MEIG1: variants seen among roughly 807,000 people sequenced by gnomAD.
The protein encoded by MEIG1 is meiosis/spermiogenesis associated 1.
A neutral mutation model predicts 11.3 loss-of-function variants in MEIG1; 12 were observed. The observed-to-expected ratio is 1.07, with a 90% CI of 0.68 to 1.73. MEIG1 has a LOEUF of 1.73. MEIG1 is among the 40% of genes most tolerant of loss of function. The pLI, the probability that MEIG1 is intolerant of heterozygous loss-of-function variation, is 0.00. For missense variants in MEIG1, 119 were observed against 104.9 expected, an observed-to-expected ratio of 1.13 and a Z score of -0.59; for synonymous variants, 41 against 33.2, an observed-to-expected ratio of 1.24 and a Z score of -0.81.
chr10:14,965,675 T>TGAGAGAGAGAGA (rs749211535), intron 1 of MEIG1, among the ~76,000 whole-genome samples: 1,431 of 100,796 alleles, frequency 0.014, 50 homozygotes, highest in African/African-American at 0.044. Flanking sequence ...ATTCCCTTTT[T>TGAGAGAGAGAGA]GAGAGAGAGA....
At chr10:14,958,513 T>TAAAAATTTAATTA (rs1227773593), upstream of MEIG1, among the ~76,000 whole-genome samples, 4 of 152,134 alleles carry the variant, frequency 2.6e-5, no homozygotes, top group African/African-American at 9.7e-5. Context: ...AATTACTGAG[T>TAAAAATTTAATTA]CTCCAGAGCT....
chr10:14,955,560 C>T (rs1188974595), upstream of MEIG1, among the ~76,000 whole-genome samples: 2 of 152,184 alleles, frequency 1.3e-5, no homozygotes, highest in Admixed American at 6.5e-5. Flanking sequence ...AAAAATCGGC[C>T]GGGCATGGTG....
chr10:14,983,953 C>T (rs2131284894), intron 1 of MEIG1, among the ~76,000 whole-genome samples: 1 of 152,076 alleles, frequency 6.6e-6, no homozygotes, highest in East Asian at 1.9e-4. Context: ...CTAATGTCAA[C>T]GTGGGAGAGG....
chr10:14,984,560 C>T (rs559688533), intron 1 of MEIG1, among the ~76,000 whole-genome samples: 1 of 151,950 alleles, frequency 6.6e-6, no homozygotes, highest in African/African-American at 2.4e-5. Context: ...TATTGTCACA[C>T]GGGGAAGTTT....
chr10:14,978,777 C>T (rs1564508935), intron 1 of MEIG1, among the ~76,000 whole-genome samples: 1 of 151,862 alleles, frequency 6.6e-6, no homozygotes, highest in African/African-American at 2.4e-5. Context: ...TTCGTAATAT[C>T]CTAGCGAGAT....
At chr10:14,958,425 C>T (rs1291562488), upstream of MEIG1, among the ~76,000 whole-genome samples, 3 of 152,016 alleles carry the variant, frequency 2.0e-5, no homozygotes, top group Non-Finnish European at 4.4e-5. Flanking sequence ...GGCAGGTGCC[C>T]GAGGCCCTTG....
rs924311238 is a variant in MEIG1 at position 14,959,550 on chromosome 10, A to G, written c.-37A>G. The G allele has an allele frequency of 6.6e-6, 1 of 152,280 alleles. No individual in the cohort carries two copies. Among genetic ancestry groups the G allele is most frequent in the African/African-American group, 2.4e-5 (1 of 41,444 alleles). The allele number at this position is 152,280 out of a possible 1,614,324, so 9.4% of individuals were successfully genotyped here. A position where few individuals can be genotyped will look rare whatever the true frequency, so the allele number is the denominator to read the frequency against. ...AACGAGGATAACCCAGTAGAGCCGG[A>G]CCCAGGGGTGGGTGGATGCGTCGCT... is the stretch of plus-strand genomic sequence containing the variant. On this transcript the variant is annotated 5_prime_UTR_variant, in exon 1 of 3. Coordinates refer to ENST00000407572, the MANE Select transcript of MEIG1 (RefSeq NM_001080836.3).
chr10:14,968,050 CAG>C (rs1447502808), intron 2 of MEIG1, among the ~76,000 whole-genome samples: 1 of 152,186 alleles, frequency 6.6e-6, no homozygotes, highest in Non-Finnish European at 1.5e-5. Context: ...GGGATTATAA[CAG>C]TGTTTATTAA....
chr10:14,964,534 TGA>T (rs1308620927), intron 1 of MEIG1, among the ~76,000 whole-genome samples: 1 of 150,668 alleles, frequency 6.6e-6, no homozygotes, highest in African/African-American at 2.4e-5. Context: ...ATGCTTATTT[TGA>T]GTTTTCCTTT....
intron 1 of MEIG1, among the ~76,000 whole-genome samples, chr10:14,981,926 T>C (rs1314013158): frequency 2.6e-5 from 4 of 152,154 alleles, no homozygotes; most frequent in Non-Finnish European, 5.9e-5. Context: ...ACCTCCATTC[T>C]CTTTGCGCTT....
At chr10:14,987,455 C>A in intron 2 of MEIG1, 1 of 717,438 alleles carries the variant, frequency 1.4e-6, no homozygotes, top group Non-Finnish European at 2.6e-6. Flanking sequence ...GTGTCTTGGA[C>A]ACCTTGAGAA....
chr10:14,977,079 G>A (rs1414562126), downstream of MEIG1, among the ~76,000 whole-genome samples: 1 of 151,832 alleles, frequency 6.6e-6, no homozygotes, highest in Non-Finnish European at 1.5e-5. Flanking sequence ...AATGACACAG[G>A]GGTGTACACA....
intron 1 of MEIG1, among the ~76,000 whole-genome samples, chr10:14,964,722 G>T (rs1255253502): frequency 2.8e-5 from 4 of 142,932 alleles, no homozygotes; most frequent in East Asian, 4.2e-4. Flanking sequence ...GGTTTCAAGC[G>T]ATTCTCAAGC....
chr10:14,972,540 G>A lies in MEIG1; in HGVS notation c.166G>A (p.Val56Met), dbSNP rs1172390352. Reference sequence around the variant, plus strand: ...AGATCGTTGGCCGGAGACAGGATATGTGAAGAAACTTCAGAGAAGGGACAA... The same window carrying A: ...AGATCGTTGGCCGGAGACAGGATATATGAAGAAACTTCAGAGAAGGGACAA... ...MVDRWPETGY[V>M]KKLQRRDNTF... Residue 56 changes from valine (V) to methionine (M), a missense_variant, in exon 3 of 3, where the codon GTG (valine) becomes ATG (methionine). Val to Met is a conservative substitution (Grantham distance 21). Transcript: ENST00000407572. The A allele has an allele frequency of 6.2e-7, 1 of 1,614,110 alleles. No individual in the cohort carries two copies. Among genetic ancestry groups the A allele is most frequent in the East Asian group, 2.2e-5 (1 of 44,864 alleles).
chr10:14,985,154 G>A (rs1362455653), intron 1 of MEIG1, among the ~76,000 whole-genome samples: 1 of 151,974 alleles, frequency 6.6e-6, no homozygotes, highest in East Asian at 1.9e-4. Context: ...CACAGTGATA[G>A]GAGTTGTAAT....
chr10:14,980,691 C>T (rs906028471), intron 1 of MEIG1, among the ~76,000 whole-genome samples: 2 of 152,092 alleles, frequency 1.3e-5, no homozygotes, highest in Non-Finnish European at 2.9e-5. Context: ...GGTTGGAAAC[C>T]TCTGGAGGTC....
intron 1 of MEIG1, among the ~76,000 whole-genome samples, chr10:14,979,387 C>G (rs542418340): frequency 1.3e-5 from 2 of 151,210 alleles, no homozygotes; most frequent in African/African-American, 4.9e-5. Context: ...GGATGTTACT[C>G]CTAAAGTCAC....
At chr10:14,971,928 G>T (rs1487617368) in intron 2 of MEIG1, among the ~76,000 whole-genome samples, 1 of 152,024 alleles carries the variant, frequency 6.6e-6, no homozygotes, top group Non-Finnish European at 1.5e-5. Flanking sequence ...GACAGCTTGG[G>T]CAATGTAGCA....
intron 1 of MEIG1, among the ~76,000 whole-genome samples, chr10:14,963,954 T>C (rs780518817): frequency 4.0e-5 from 6 of 151,840 alleles, no homozygotes; most frequent in Non-Finnish European, 7.4e-5. Context: ...AAAAATTAGC[T>C]GGGCATGGTA....
Sources: gnomAD v4.1 joint callset for allele counts (sites outside exome capture counted in the v4.1 genomes callset) on GRCh38, gnomAD v4.1.1 for gene constraint, MANE v1.5 for transcripts, NCBI Gene and HGNC (gene_info 2026-07-23, HGNC 2026-07-21) for gene names.